Variants in EPM2A observed in about 807,000 individuals in gnomAD.
EPM2A encodes the protein laforin.
EPM2A carries 21 observed loss-of-function variants against 26.5 expected under a neutral mutation model. The ratio of observed to expected loss-of-function variants is 0.79; its 90% CI spans 0.56 to 1.14. The LOEUF (loss-of-function observed/expected upper bound fraction) is 1.14, where lower values mean the gene tolerates loss of function less well. Ranked by LOEUF, EPM2A falls within the 50% of genes most tolerant of loss-of-function variation. EPM2A has a pLI of 0.00. For synonymous variants in EPM2A, 217 were observed against 177.6 expected (o/e 1.22, Z -1.76); for missense variants, 458 against 440.8 (o/e 1.04, Z -0.35).
chr6:145,728,861 C>T (rs1776339968), intron 1 of EPM2A, among the ~76,000 whole-genome samples: 1 of 152,196 alleles, frequency 6.6e-6, no homozygotes, highest in South Asian at 2.1e-4. Flanking sequence ...CAGAGACCTC[C>T]ATAGCAGCCC....
rs181510708 is a variant in EPM2A, at chr6:145,492,802, C to T, written c.555+9720G>A. Among the ~76,000 whole-genome samples, 4 of 152,280 alleles carry T rather than the reference C, an allele frequency of 2.6e-5. No individual in the cohort carries two copies. In the East Asian group the frequency reaches 5.8e-4, roughly 22 times the overall value. ...TCTCTGATATCCAGCTGCTTCTCCT[C>T]TTCTCCACTCTCTCTGCTGATGGAG... On this transcript the variant is annotated intron_variant, in intron 4 of 4. Coordinates refer to the EPM2A transcript ENST00000638717.
chr6:145,525,139 TG>T (rs1268777590), intron 2 of EPM2A, among the ~76,000 whole-genome samples: 1 of 152,118 alleles, frequency 6.6e-6, no homozygotes, highest in Admixed American at 6.6e-5. Context: ...TGCCTGTTTT[TG>T]TACCAATACC....
In EPM2A at chr6:145,626,083, A is replaced by C. The variant is rs1318828893; in HGVS notation, c.*1333T>G. 9.0e-7 allele frequency: 1 copy of C among 1,106,842 alleles called. No individual in the cohort carries two copies. Among genetic ancestry groups the C allele is most frequent in the African/African-American group, 1.6e-5 (1 of 62,140 alleles). The allele number at this position is 1,106,842 out of a possible 1,614,324, so 68.6% of individuals were successfully genotyped here. On this transcript the variant is annotated 3_prime_UTR_variant, in exon 4 of 4. Coordinates refer to ENST00000367519, the MANE Select transcript of EPM2A (RefSeq NM_005670.4). ...TTGGATATTGTGAAGATTAAACTGGATATGATTATATATCACCTTGCACAT... is the reference window on the plus strand; with the variant it reads ...TTGGATATTGTGAAGATTAAACTGGCTATGATTATATATCACCTTGCACAT...
At chr6:145,571,516 C>T (rs1290856762) in intron 2 of EPM2A, among the ~76,000 whole-genome samples, 7 of 152,210 alleles carry the variant, frequency 4.6e-5, no homozygotes, top group Admixed American at 4.6e-4. Flanking sequence ...GCCAGATAGA[C>T]AAACCCATAT....
chr6:145,554,301 G>A lies in EPM2A; in HGVS notation c.341-51726C>T, dbSNP rs1268183177. Among the ~76,000 whole-genome samples the A allele has an allele frequency of 2.0e-5, 3 of 151,952 alleles. No individual in the cohort carries two copies. The East Asian group carries it at 5.8e-4, about 29-fold the overall frequency. On this transcript the variant is annotated intron_variant, in intron 2 of 3. Coordinates refer to the EPM2A transcript ENST00000450221. The stretch of plus-strand genomic sequence containing the variant: ...GACCCAGAAAAACCCGAGTTTTTCT[G>A]TACTTGTTCCTCAATGTACCAGATA...
chr6:145,466,655 A>T (rs530327552), intron 4 of EPM2A, among the ~76,000 whole-genome samples: 2 of 152,300 alleles, frequency 1.3e-5, no homozygotes, highest in South Asian at 4.1e-4. Flanking sequence ...ATATACCCAA[A>T]GGACTATAAA....
intron 2 of EPM2A, among the ~76,000 whole-genome samples, chr6:145,578,499 G>T (rs1312158044): frequency 6.6e-6 from 1 of 152,096 alleles, no homozygotes; most frequent in East Asian, 1.9e-4. Flanking sequence ...TGAAGAAATA[G>T]AAAACCTGAA....
chr6:145,425,822 C>T lies in EPM2A; in HGVS notation c.556-41725G>A, dbSNP rs571115852. 6.1e-4 allele frequency among the ~76,000 whole-genome samples: 92 copies of T among 151,998 alleles called. 2 individuals are homozygous for T. Among genetic ancestry groups the T allele is most frequent in the Non-Finnish European group, 9.7e-4 (66 of 68,026 alleles). On this transcript the variant is annotated intron_variant, in intron 4 of 4. Coordinates refer to the EPM2A transcript ENST00000638717. ...TGCTTCATGTTGTCTTATTTCTGTC[C>T]AGCTGAAAGATATTCCTTTCCACTC...
intron 1 of EPM2A, among the ~76,000 whole-genome samples, chr6:145,724,676 A>T (rs1776105836): frequency 1.3e-5 from 2 of 152,102 alleles, no homozygotes; most frequent in Admixed American, 1.3e-4. Flanking sequence ...ATAGAACTGA[A>T]TAGAGAGCAC....
chr6:145,647,704 G>A (rs1471694703), intron 2 of EPM2A, among the ~76,000 whole-genome samples: 2 of 145,110 alleles, frequency 1.4e-5, no homozygotes, highest in East Asian at 1.9e-4. Flanking sequence ...AAAGGGAAAG[G>A]GGAAGGGGAA....
chr6:145,551,282 A>T (rs1401982487), intron 2 of EPM2A, among the ~76,000 whole-genome samples: 1 of 152,062 alleles, frequency 6.6e-6, no homozygotes, highest in Non-Finnish European at 1.5e-5. Context: ...CAAACATCTT[A>T]AAAATTAGGT....
At chr6:145,571,651 G>A (rs1780957206) in intron 2 of EPM2A, among the ~76,000 whole-genome samples, 1 of 152,196 alleles carries the variant, frequency 6.6e-6, no homozygotes, top group South Asian at 2.1e-4. Flanking sequence ...CATATCGAGG[G>A]CTCAGTGTTG....
chr6:145,528,276 A>G (rs1186218036), intron 2 of EPM2A, among the ~76,000 whole-genome samples: 1 of 152,188 alleles, frequency 6.6e-6, no homozygotes, highest in Non-Finnish European at 1.5e-5. Flanking sequence ...TACATTAAAC[A>G]ACAGATTTTC....
chr6:145,447,488 ACTTT>A (rs1320747252), intron 4 of EPM2A, among the ~76,000 whole-genome samples: 1 of 151,780 alleles, frequency 6.6e-6, no homozygotes, highest in Admixed American at 6.6e-5. Context: ...AGTTTTCTTT[ACTTT>A]CTTTCTATCT....
chr6:145,452,541 G>A (rs1231345161), intron 4 of EPM2A, among the ~76,000 whole-genome samples: 1 of 145,068 alleles, frequency 6.9e-6, no homozygotes, highest in Non-Finnish European at 1.5e-5. Context: ...GCGTTGTGGC[G>A]GGCGCCTGTA....
At chr6:145,422,918 T>A (rs543640545) in intron 4 of EPM2A, among the ~76,000 whole-genome samples, 1 of 152,206 alleles carries the variant, frequency 6.6e-6, no homozygotes, top group South Asian at 2.1e-4. Flanking sequence ...CTCACTCACT[T>A]TTACCCTAAA....
At chr6:145,731,381 T>C (rs1776476565) in intron 1 of EPM2A, among the ~76,000 whole-genome samples, 2 of 152,128 alleles carry the variant, frequency 1.3e-5, no homozygotes, top group Admixed American at 1.3e-4. Flanking sequence ...GACTACCAGA[T>C]ACTGGAGAAA....
intron 2 of EPM2A, among the ~76,000 whole-genome samples, chr6:145,554,884 G>A (rs1228689011): frequency 6.6e-6 from 1 of 152,096 alleles, no homozygotes; most frequent in Non-Finnish European, 1.5e-5. Flanking sequence ...TGATTGTGCA[G>A]TTTGGGTTCC....
chr6:145,707,697 C>T (rs563401038), intron 1 of EPM2A, among the ~76,000 whole-genome samples: 2 of 152,272 alleles, frequency 1.3e-5, no homozygotes, highest in South Asian at 2.1e-4. Context: ...CTCAGCCATG[C>T]GGAACTGTGA....
Sources: allele counts gnomAD v4.1 joint callset (sites outside exome capture counted in the v4.1 genomes callset), GRCh38; gene constraint gnomAD v4.1.1; transcripts MANE v1.5; gene names NCBI Gene and HGNC (gene_info 2026-07-23, HGNC 2026-07-21).